The following GDPD4 variants were observed in gnomAD, a reference collection of about 807,000 sequenced individuals.
GDPD4 encodes the protein glycerophosphodiester phosphodiesterase domain containing 4.
Under a neutral mutation model 67.8 loss-of-function variants are expected in GDPD4, and 60 were observed. The observed-to-expected ratio is 0.88, with a 90% CI of 0.72 to 1.10. The LOEUF is 1.10. Ranked by LOEUF, GDPD4 falls within the 50% of genes least tolerant of loss-of-function variation. The pLI is 0.00. For synonymous variants in GDPD4, 212 were observed against 210.9 expected, an observed-to-expected ratio of 1.00 and a Z score of -0.04; for missense variants, 623 against 613.9, an observed-to-expected ratio of 1.01 and a Z score of -0.16.
At chr11:77,234,400 A>G (rs1565511957) in intron 13 of GDPD4, among the ~76,000 whole-genome samples, 1 of 152,230 alleles carries the variant, frequency 6.6e-6, no homozygotes, top group Non-Finnish European at 1.5e-5. Context: ...GTGCAGGTTT[A>G]ATACATGGAT....
At chr11:77,289,803 A>AGGAGGGAGGGAAGGAAG (rs1410766264) in intron 1 of GDPD4, among the ~76,000 whole-genome samples, 1 of 95,336 alleles carries the variant, frequency 1.0e-5, no homozygotes, top group African/African-American at 3.8e-5. Context: ...GAGAGAGAGA[A>AGGAGGGAGGGAAGGAAG]GGAGGGAGGG....
At position 77,266,323 on chromosome 11, in the gene GDPD4, G is replaced by A. The variant is rs111732817; in HGVS notation, c.707+2134C>T. 3.5e-3 allele frequency among the ~76,000 whole-genome samples: 531 copies of A among 152,186 alleles called. 2 individuals are homozygous for A. Among genetic ancestry groups the A allele is most frequent in the African/African-American group, 0.012 (481 of 41,518 alleles). On this transcript the variant is annotated intron_variant, in intron 10 of 16. Transcript: ENST00000315938. The stretch of plus-strand genomic sequence containing the variant: ...CCTATCACCTAGTGACTTCGTAGCC[G>A]TAATATTGTAGCACAATACATTACT...
At chr11:77,276,601 A>G (rs566087387) in intron 4 of GDPD4, among the ~76,000 whole-genome samples, 3 of 152,302 alleles carry the variant, frequency 2.0e-5, no homozygotes, top group Middle Eastern at 3.4e-3. Flanking sequence ...CACTTGTAAG[A>G]GAAGAAAGGT....
chr11:77,254,440 A>G (rs1360422370), intron 11 of GDPD4, among the ~76,000 whole-genome samples: 1 of 151,574 alleles, frequency 6.6e-6, no homozygotes, highest in African/African-American at 2.4e-5. Context: ...GCTGTCCTTT[A>G]TTTTCATTAA....
intron 1 of GDPD4, among the ~76,000 whole-genome samples, chr11:77,287,739 T>C (rs1390032556): frequency 2.6e-5 from 4 of 152,196 alleles, no homozygotes; most frequent in Non-Finnish European, 5.9e-5. Context: ...GCAAACGTGC[T>C]TCTCAAATTG....
At chr11:77,289,576 A>G (rs774918020) in intron 1 of GDPD4, among the ~76,000 whole-genome samples, 15 of 150,528 alleles carry the variant, frequency 1.0e-4, no homozygotes, top group Admixed American at 2.0e-4. Flanking sequence ...CTAAAAATAT[A>G]AAAAATTAGC....
chr11:77,260,701 T>C (rs1424980985), intron 10 of GDPD4, among the ~76,000 whole-genome samples: 2 of 152,114 alleles, frequency 1.3e-5, no homozygotes, highest in African/African-American at 4.8e-5. Flanking sequence ...ATGAACATAA[T>C]GAAGATACAC....
At position 77,269,041 on chromosome 11, in the gene GDPD4, A is replaced by G. The variant is rs777090086; in HGVS notation, c.507T>C (p.Phe169=). The G allele has an allele frequency of 1.2e-6, 2 of 1,613,858 alleles. No individual in the cohort carries two copies. Among genetic ancestry groups the G allele is most frequent in the African/African-American group, 2.7e-5 (2 of 74,920 alleles). ...AATAGAGACCTAAAAGGATAAGAAG[A>G]AAGGGTAATCCAACAGGCACTTGTA... ...RGLQVPVGLP[F]LLILLGLYLM... The change falls in exon 9 of 17, where the codon TTT becomes TTC. Residue 169 remains phenylalanine (F), a synonymous_variant. Coordinates refer to ENST00000315938, the MANE Select transcript of GDPD4 (RefSeq NM_182833.3).
At chr11:77,249,936 T>A (rs1958855574) in intron 11 of GDPD4, among the ~76,000 whole-genome samples, 1 of 152,216 alleles carries the variant, frequency 6.6e-6, no homozygotes, top group Non-Finnish European at 1.5e-5. Flanking sequence ...AACCCACTGA[T>A]CATTCAGAAG....
chr11:77,298,088 T>C (rs1938036132), intron 1 of GDPD4, among the ~76,000 whole-genome samples: 1 of 151,730 alleles, frequency 6.6e-6, no homozygotes, highest in Non-Finnish European at 1.5e-5. Context: ...CAGTTTTTTG[T>C]TGTTGTTTCG....
At chr11:77,237,455 G>T (rs749466666) in intron 13 of GDPD4, among the ~76,000 whole-genome samples, 9 of 152,114 alleles carry the variant, frequency 5.9e-5, no homozygotes, top group Non-Finnish European at 1.3e-4. Context: ...TGAACTAATT[G>T]ATATTTATAG....
intron 5 of GDPD4, among the ~76,000 whole-genome samples, chr11:77,274,993 G>C (rs1959391194): frequency 6.6e-6 from 1 of 152,172 alleles, no homozygotes; most frequent in African/African-American, 2.4e-5. Context: ...GGTGACTACA[G>C]TTAGCAATAA....
chr11:77,219,311 A>G (rs1958183787), intron 16 of GDPD4, among the ~76,000 whole-genome samples: 1 of 151,906 alleles, frequency 6.6e-6, no homozygotes, highest in South Asian at 2.1e-4. Flanking sequence ...GATTGCAAAA[A>G]TTTTCTCCCA....
chr11:77,293,454 G>A (rs1383544725), intron 1 of GDPD4, among the ~76,000 whole-genome samples: 1 of 152,026 alleles, frequency 6.6e-6, no homozygotes, highest in African/African-American at 2.4e-5. Context: ...AATTAGCTGG[G>A]TGTGGTGGCA....
intron 8 of GDPD4, among the ~76,000 whole-genome samples, chr11:77,269,439 G>GT: frequency 6.6e-6 from 1 of 152,202 alleles, no homozygotes; most frequent in Admixed American, 6.5e-5. Context: ...AGCCTGTAAA[G>GT]ATCATCCTAA....
chr11:77,252,267 T>C (rs556016177), intron 11 of GDPD4, among the ~76,000 whole-genome samples: 2 of 152,228 alleles, frequency 1.3e-5, no homozygotes, highest in African/African-American at 4.8e-5. Flanking sequence ...TTTCAGTATA[T>C]TGGTCAGGCT....
intron 13 of GDPD4, among the ~76,000 whole-genome samples, chr11:77,233,540 G>A (rs986828264): frequency 6.6e-6 from 1 of 151,046 alleles, no homozygotes; most frequent in Non-Finnish European, 1.5e-5. Context: ...TCCTACCATA[G>A]CCAACTGTAA....
intron 10 of GDPD4, among the ~76,000 whole-genome samples, chr11:77,264,475 G>T (rs1959168688): frequency 6.6e-6 from 1 of 152,076 alleles, no homozygotes; most frequent in Non-Finnish European, 1.5e-5. Flanking sequence ...GCCAGCAAAA[G>T]AAGTCACATA....
chr11:77,250,005 T>C (rs1958857708), intron 11 of GDPD4, among the ~76,000 whole-genome samples: 1 of 152,224 alleles, frequency 6.6e-6, no homozygotes, highest in Non-Finnish European at 1.5e-5. Flanking sequence ...ATCTTATTTG[T>C]AAAAAGCTTA....
Sources: gnomAD v4.1 joint callset for allele counts (sites outside exome capture counted in the v4.1 genomes callset) on GRCh38, gnomAD v4.1.1 for gene constraint, MANE v1.5 for transcripts, NCBI Gene and HGNC (gene_info 2026-07-23, HGNC 2026-07-21) for gene names.